Variants in DMD observed in about 807,000 individuals in gnomAD.
DMD encodes the protein dystrophin.
DMD carries 63 observed loss-of-function variants against 330.1 expected under a neutral mutation model. The observed-to-expected ratio is 0.19, with a 90% CI of 0.16 to 0.24. The LOEUF is 0.24. DMD is among the 10% of genes least tolerant of loss of function. The probability of loss-of-function intolerance (pLI) is 1.00; values close to 1 mark genes in which losing one functional copy is unlikely to be tolerated. For synonymous variants in DMD, 1,223 were observed against 959.8 expected (o/e 1.27, Z -5.07); for missense variants, 3,344 against 2,684.1 (o/e 1.25, Z -5.43).
intron 42 of DMD, among the ~76,000 whole-genome samples, chrX:32,307,214 G>A (rs1326720347): frequency 9.0e-6 from 1 of 111,228 alleles, no homozygotes; most frequent in Non-Finnish European, 1.9e-5. Context: ...GTAGGACAGG[G>A]AGCAAGTGAA....
intron 49 of DMD, among the ~76,000 whole-genome samples, chrX:31,833,589 G>C (rs1228581847): frequency 2.7e-5 from 3 of 111,235 alleles, no homozygotes; most frequent in Non-Finnish European, 5.7e-5. Context: ...TTTTAAAAAA[G>C]AAACCAGAAA....
chrX:31,823,828 C>T (rs1684572913), intron 49 of DMD, among the ~76,000 whole-genome samples: 1 of 111,315 alleles, frequency 9.0e-6, no homozygotes, highest in South Asian at 3.8e-4. Flanking sequence ...CCCATCCCAG[C>T]CTCCCAAAGC....
At chrX:31,752,440 C>A (rs760429596) in intron 51 of DMD, among the ~76,000 whole-genome samples, 2 of 110,980 alleles carry the variant, frequency 1.8e-5, no homozygotes, top group Non-Finnish European at 1.9e-5. Flanking sequence ...ACCAGTCATA[C>A]CAGGCTCCTG....
intron 1 of DMD, among the ~76,000 whole-genome samples, chrX:33,038,498 C>T (rs183647672): frequency 9.0e-6 from 1 of 111,551 alleles, no homozygotes; most frequent in Non-Finnish European, 1.9e-5. Context: ...CCCCGGAGCC[C>T]GGCATTGGTA....
At chrX:32,739,615 G>C (rs183029292) in intron 7 of DMD, among the ~76,000 whole-genome samples, 84 of 112,098 alleles carry the variant, frequency 7.5e-4, no homozygotes, top group African/African-American at 2.6e-3. Context: ...ATTATTAACA[G>C]ACCAGTGGTT....
At chrX:31,797,373 T>C (rs1395160513) in intron 50 of DMD, among the ~76,000 whole-genome samples, 1 of 109,518 alleles carries the variant, frequency 9.1e-6, no homozygotes, top group African/African-American at 3.3e-5. Context: ...AATAGAGAAT[T>C]TAAATTGAAG....
chrX:33,217,252 T>C (rs1242814532), intron 1 of DMD, among the ~76,000 whole-genome samples: 1 of 111,406 alleles, frequency 9.0e-6, no homozygotes, highest in African/African-American at 3.3e-5. Flanking sequence ...TTATAGGCAC[T>C]AGGACCAGAA....
intron 50 of DMD, among the ~76,000 whole-genome samples, chrX:31,801,323 C>G (rs1320607629): frequency 9.0e-6 from 1 of 110,764 alleles, no homozygotes; most frequent in Non-Finnish European, 1.9e-5. Context: ...ACTATCACGA[C>G]AACAGCATGG....
At chrX:31,648,531 G>T (rs2080233924) in intron 54 of DMD, among the ~76,000 whole-genome samples, 1 of 93,624 alleles carries the variant, frequency 1.1e-5, no homozygotes, top group Non-Finnish European at 2.0e-5. Flanking sequence ...TAAACACTCG[G>T]TATAAGACAA....
chrX:32,976,374 A>C (rs956722634), intron 2 of DMD, among the ~76,000 whole-genome samples: 36 of 111,632 alleles, frequency 3.2e-4, no homozygotes, highest in Non-Finnish European at 4.5e-4. Context: ...AACACGCAGG[A>C]AAGTCCAGGA....
intron 16 of DMD, among the ~76,000 whole-genome samples, chrX:32,546,988 AT>A (rs1248536242): frequency 8.9e-6 from 1 of 111,994 alleles, no homozygotes; most frequent in African/African-American, 3.2e-5. Flanking sequence ...TAATTTGAAT[AT>A]TTTTTAACCA....
chrX:31,831,819 G>C (rs886305524), intron 49 of DMD, among the ~76,000 whole-genome samples: 7 of 111,952 alleles, frequency 6.3e-5, no homozygotes, highest in African/African-American at 2.0e-4. Context: ...AGCCAGGATG[G>C]TCTCGATCTC....
intron 60 of DMD, among the ~76,000 whole-genome samples, chrX:31,439,139 C>T (rs781588995): frequency 3.2e-4 from 36 of 111,414 alleles, no homozygotes; most frequent in Non-Finnish European, 5.7e-4. Flanking sequence ...TTTGTAGTAT[C>T]AGTGTTATGA....
In DMD at chrX:32,783,224, G is replaced by GTA. The variant is rs2075009061; in HGVS notation, c.649+26267_649+26268dup. Among the ~76,000 whole-genome samples, 4 of 94,047 alleles carry GTA rather than the reference G, an allele frequency of 4.3e-5. No individual in the cohort carries two copies. The South Asian group carries it at 1.9e-3, about 45-fold the overall frequency. The allele number at this position is 94,047 out of a possible 115,157, so 81.7% of individuals were successfully genotyped here. Reference sequence around the variant, plus strand: ...CATATACACATATGTGTATATACGTGTATACGTATATACACATATGTGTAT... The same window carrying GTA: ...CATATACACATATGTGTATATACGTGTATATACGTATATACACATATGTGTAT... On this transcript the variant is annotated intron_variant, in intron 7 of 78. Transcript: ENST00000357033.
chrX:32,658,057 A>G (rs1421676787), intron 9 of DMD, among the ~76,000 whole-genome samples: 5 of 111,961 alleles, frequency 4.5e-5, no homozygotes, highest in African/African-American at 1.6e-4. Context: ...ATATTCCTCT[A>G]GAATGACCGT....
chrX:32,343,966 C>A (rs1327204737), intron 39 of DMD, among the ~76,000 whole-genome samples: 2 of 111,663 alleles, frequency 1.8e-5, no homozygotes, highest in African/African-American at 3.3e-5. Flanking sequence ...TCTTACTATA[C>A]CAAATCATGC....
rs887532907 is a variant in DMD at position 31,496,803 on chromosome X, C to G, written c.8532G>C (p.Gln2844His). The change falls in exon 57 of 79, where the codon CAG becomes CAC. Residue 2844 changes from glutamine to histidine, a missense_variant. Coordinates refer to ENST00000357033, the MANE Select transcript of DMD (RefSeq NM_004006.3). ...IGGDFPAVQK[Q>H]NDVHRAFKRE... The stretch of plus-strand genomic sequence containing the variant: ...AATGTCCTACCCTATGTACATCGTT[C>G]TGCTTCTGAACTGCTGGAAAGTCGC... The G allele has an allele frequency of 8.2e-7, 1 of 1,212,197 alleles. No individual in the cohort carries two copies. The highest frequency in any genetic ancestry group is 1.1e-6 in the Non-Finnish European group (1 of 895,636).
chrX:32,740,545 G>A (rs997449988), intron 7 of DMD, among the ~76,000 whole-genome samples: 2 of 110,398 alleles, frequency 1.8e-5, no homozygotes, highest in African/African-American at 3.3e-5. Context: ...TTTATCTTTC[G>A]GTGTAAGAAT....
rs184716505 is a variant in DMD, at chrX:32,348,779, A to C, written c.5326-251T>G. On this transcript the variant is annotated intron_variant, in intron 37 of 78. Transcript: ENST00000357033. ...TACAATTCATCATTTGGTGATATCAACAACAGTCAATTTACAGATACATTT... is the reference window on the plus strand; with the variant it reads ...TACAATTCATCATTTGGTGATATCACCAACAGTCAATTTACAGATACATTT... Among the ~76,000 whole-genome samples the C allele has an allele frequency of 7.4e-4, 83 of 111,780 alleles. 2 individuals are homozygous for C. In the East Asian group the frequency reaches 0.022, roughly 29 times the overall value.
Sources: gnomAD v4.1 joint callset for allele counts (sites outside exome capture counted in the v4.1 genomes callset) on GRCh38, gnomAD v4.1.1 for gene constraint, MANE v1.5 for transcripts, NCBI Gene and HGNC (gene_info 2026-07-23, HGNC 2026-07-21) for gene names.